Variants in ERC2 observed in about 807,000 individuals in gnomAD.
ERC2 encodes the protein ELKS/RAB6-interacting/CAST family member 2, also known as ERC protein 2.
ERC2 carries 42 observed loss-of-function variants against 114.8 expected under a neutral mutation model. That is an observed-to-expected ratio of 0.37 (90% CI 0.29 to 0.47). The LOEUF is 0.47. Among genes scored for constraint, ERC2 ranks in the 20% least tolerant of loss-of-function variants. The probability of loss-of-function intolerance (pLI) is 0.99; values close to 1 mark genes in which losing one functional copy is unlikely to be tolerated. For synonymous variants in ERC2, 454 were observed against 425.5 expected, an observed-to-expected ratio of 1.07 and a Z score of -0.82; for missense variants, 939 against 1,150.7, an observed-to-expected ratio of 0.82 and a Z score of 2.66.
chr3:56,238,705 C>T (rs928466167), intron 3 of ERC2, among the ~76,000 whole-genome samples: 2 of 152,038 alleles, frequency 1.3e-5, no homozygotes, highest in Admixed American at 1.3e-4. Flanking sequence ...TTCTCCAGGC[C>T]CCAGCAATGC....
chr3:55,789,701 G>A (rs1159652667), intron 14 of ERC2, among the ~76,000 whole-genome samples: 2 of 152,166 alleles, frequency 1.3e-5, no homozygotes, highest in Non-Finnish European at 2.9e-5. Flanking sequence ...ATGGTATGCT[G>A]GAAGAGAAAG....
Position 55,643,720 on chromosome 3 carries a change from C to T in ERC2, c.*39+40074G>A, listed in dbSNP as rs538473725. 9.2e-5 allele frequency among the ~76,000 whole-genome samples: 14 copies of T among 152,226 alleles called. No homozygotes were observed. The South Asian group carries it at 2.9e-3, about 32-fold the overall frequency. ...TCATTATTTTTAAACATATGTATTA[C>T]TGAACAAGCATACCTTTGGAGAAAT... is the stretch of plus-strand genomic sequence containing the variant. On this transcript the variant is annotated intron_variant, in intron 17 of 17. Coordinates refer to ENST00000288221, the MANE Select transcript of ERC2 (RefSeq NM_015576.3).
intron 10 of ERC2, among the ~76,000 whole-genome samples, chr3:55,997,657 T>C (rs1416187449): frequency 1.3e-5 from 2 of 150,026 alleles, no homozygotes; most frequent in Non-Finnish European, 3.0e-5. Flanking sequence ...ATAACCTGCA[T>C]AGTGTTTCTA....
intron 14 of ERC2, among the ~76,000 whole-genome samples, chr3:55,801,952 T>C (rs1429267181): frequency 1.3e-5 from 2 of 152,142 alleles, no homozygotes; most frequent in Non-Finnish European, 2.9e-5. Flanking sequence ...GCCCAAAAAT[T>C]TACATTCCTA....
chr3:55,966,301 C>T (rs2149476955), intron 12 of ERC2, among the ~76,000 whole-genome samples: 1 of 152,198 alleles, frequency 6.6e-6, no homozygotes, highest in South Asian at 2.1e-4. Context: ...CATGAAAATC[C>T]TGGGTACCCA....
chr3:55,567,576 G>A (rs547041510), intron 17 of ERC2, among the ~76,000 whole-genome samples: 1 of 152,130 alleles, frequency 6.6e-6, no homozygotes, highest in African/African-American at 2.4e-5. Context: ...GGTGATGGTG[G>A]CCTGGAGTGG....
chr3:56,423,080 G>A (rs2061444562), intron 2 of ERC2, among the ~76,000 whole-genome samples: 1 of 152,170 alleles, frequency 6.6e-6, no homozygotes, highest in Non-Finnish European at 1.5e-5. Flanking sequence ...AAGAATTCAA[G>A]ATATTTGAAG....
chr3:55,666,053 T>C (rs1046385630), intron 17 of ERC2, among the ~76,000 whole-genome samples: 3 of 152,298 alleles, frequency 2.0e-5, no homozygotes, highest in East Asian at 1.9e-4. Flanking sequence ...CTTTCTCATG[T>C]AGAACCTGTA....
intron 14 of ERC2, among the ~76,000 whole-genome samples, chr3:55,883,618 A>G (rs2063217216): frequency 6.6e-6 from 1 of 152,052 alleles, no homozygotes; most frequent in Non-Finnish European, 1.5e-5. Context: ...GGCCGGGTGC[A>G]GTGGCTCACA....
At chr3:55,779,454 T>C (rs1263417696) in intron 14 of ERC2, among the ~76,000 whole-genome samples, 7 of 151,682 alleles carry the variant, frequency 4.6e-5, no homozygotes, top group Admixed American at 3.9e-4. Flanking sequence ...TGAGCCGAGA[T>C]TGCGCTACTG....
intron 2 of ERC2, among the ~76,000 whole-genome samples, chr3:56,300,201 G>A (rs962466599): frequency 6.6e-6 from 1 of 150,598 alleles, no homozygotes; most frequent in South Asian, 2.1e-4. Context: ...AAAGGGAGCA[G>A]AGGAGAATGG....
chr3:56,002,955 C>A, intron 10 of ERC2: 1 of 544,608 alleles, frequency 1.8e-6, no homozygotes, highest in Non-Finnish European at 3.2e-6. Context: ...GTGGCCTCAG[C>A]ACAGATCATT....
rs752396189 is a variant in ERC2, at chr3:56,434,481, C to T, written c.527G>A (p.Gly176Glu). Reference protein sequence around the residue: ...KELDIKDSKLGSSMNSIKTFW... With the variant: ...KELDIKDSKLESSMNSIKTFW... ...AGTCTTAATACTGTTCATGGAAGATCCCAATTTGCTGTCCTTGATGTCTAG... is the reference window on the plus strand; with the variant it reads ...AGTCTTAATACTGTTCATGGAAGATTCCAATTTGCTGTCCTTGATGTCTAG... The change falls in exon 2 of 18, where the codon GGA becomes GAA. Residue 176 changes from glycine (G) to glutamate (E), a missense_variant. By Grantham distance (98) the Gly-to-Glu change is moderately conservative. Coordinates refer to ENST00000288221, the MANE Select transcript of ERC2 (RefSeq NM_015576.3). 1 of 1,613,964 alleles carries T rather than the reference C, an allele frequency of 6.2e-7. No homozygotes were observed. The highest frequency in any genetic ancestry group is 1.7e-5 in the Admixed American group (1 of 60,030).
At chr3:55,603,087 T>C (rs1372347660) in intron 17 of ERC2, among the ~76,000 whole-genome samples, 1 of 152,108 alleles carries the variant, frequency 6.6e-6, no homozygotes, top group African/African-American at 2.4e-5. Flanking sequence ...TGGGATATCT[T>C]TACCAGGTAA....
chr3:55,978,218 C>G (rs1022496737), intron 12 of ERC2, among the ~76,000 whole-genome samples: 39 of 152,160 alleles, frequency 2.6e-4, no homozygotes, highest in African/African-American at 9.4e-4. Context: ...AAGGCAGTAG[C>G]TGAATCCTGG....
At chr3:56,136,420 T>C (rs1159571218) in intron 6 of ERC2, among the ~76,000 whole-genome samples, 2 of 151,318 alleles carry the variant, frequency 1.3e-5, no homozygotes, top group Non-Finnish European at 1.5e-5. Flanking sequence ...GAGCACCATA[T>C]CTTTTTTTTT....
At chr3:55,745,772 T>C (rs904056010) in intron 14 of ERC2, among the ~76,000 whole-genome samples, 25 of 152,196 alleles carry the variant, frequency 1.6e-4, no homozygotes, top group African/African-American at 4.8e-4. Flanking sequence ...GACTGTCGTA[T>C]TGCATTAACT....
intron 17 of ERC2, among the ~76,000 whole-genome samples, chr3:55,533,276 G>C (rs2053781615): frequency 6.6e-6 from 1 of 152,210 alleles, no homozygotes; most frequent in South Asian, 2.1e-4. Flanking sequence ...CAGGGTGCTT[G>C]GGTGAGAGAC....
chr3:56,344,791 C>T (rs1025183183), intron 2 of ERC2, among the ~76,000 whole-genome samples: 1 of 152,142 alleles, frequency 6.6e-6, no homozygotes, highest in Non-Finnish European at 1.5e-5. Context: ...TGCCACAGAT[C>T]ACAATAGTTT....
Sources: gnomAD v4.1 joint callset for allele counts (sites outside exome capture counted in the v4.1 genomes callset) on GRCh38, gnomAD v4.1.1 for gene constraint, MANE v1.5 for transcripts, NCBI Gene and HGNC (gene_info 2026-07-23, HGNC 2026-07-21) for gene names.